The following WWOX variants were observed in gnomAD, a reference collection of about 807,000 sequenced individuals.
WWOX encodes WW domain-containing oxidoreductase.
WWOX carries 69 observed loss-of-function variants against 46.2 expected under a neutral mutation model. The observed-to-expected ratio is 1.49, with a 90% CI of 1.23 to 1.82. The LOEUF (loss-of-function observed/expected upper bound fraction) is 1.82, where lower values mean the gene tolerates loss of function less well. Ranked by LOEUF, WWOX falls within the 40% of genes most tolerant of loss-of-function variation. The pLI, the probability that WWOX is intolerant of heterozygous loss-of-function variation, is 0.00. For missense variants in WWOX, 919 were observed against 542.6 expected, an observed-to-expected ratio of 1.69 and a Z score of -6.89; for synonymous variants, 359 against 202.6, an observed-to-expected ratio of 1.77 and a Z score of -6.56.
intron 8 of WWOX, among the ~76,000 whole-genome samples, chr16:78,705,934 G>C (rs1369679642): frequency 1.3e-5 from 2 of 152,172 alleles, no homozygotes; most frequent in African/African-American, 4.8e-5. Flanking sequence ...ACACACTAAG[G>C]AATGTTTGAG....
intron 4 of WWOX, among the ~76,000 whole-genome samples, chr16:78,157,137 C>G (rs2151727794): frequency 6.6e-6 from 1 of 152,058 alleles, no homozygotes. Context: ...TTGCTTTGAC[C>G]TGGAAATTTC....
At chr16:78,427,796 T>C (rs762402951) in intron 7 of WWOX, among the ~76,000 whole-genome samples, 8 of 149,238 alleles carry the variant, frequency 5.4e-5, no homozygotes, top group Non-Finnish European at 8.9e-5. Context: ...AAATTAAAAA[T>C]TGTTTAAAAA....
At chr16:78,820,869 A>G (rs1189126157) in intron 8 of WWOX, among the ~76,000 whole-genome samples, 3 of 152,010 alleles carry the variant, frequency 2.0e-5, no homozygotes, top group African/African-American at 7.2e-5. Flanking sequence ...GCAATTCTTG[A>G]TGTCCCTTGG....
intron 5 of WWOX, among the ~76,000 whole-genome samples, chr16:78,368,047 G>C (rs930290830): frequency 4.1e-4 from 63 of 152,174 alleles, no homozygotes; most frequent in African/African-American, 1.4e-3. Context: ...GTGAGCCTCT[G>C]TGCCCGGCTT....
intron 8 of WWOX, among the ~76,000 whole-genome samples, chr16:78,892,608 A>G (rs2044615101): frequency 6.6e-6 from 1 of 152,208 alleles, no homozygotes; most frequent in African/African-American, 2.4e-5. Context: ...TGTGTTATCT[A>G]CTGAGATTCT....
chr16:78,212,991 C>A (rs2036604883), intron 5 of WWOX, among the ~76,000 whole-genome samples: 1 of 151,978 alleles, frequency 6.6e-6, no homozygotes, highest in African/African-American at 2.4e-5. Context: ...GGGCCCGATG[C>A]CTCACACCTG....
At chr16:78,887,634 G>C (rs757220474) in intron 8 of WWOX, among the ~76,000 whole-genome samples, 2 of 152,080 alleles carry the variant, frequency 1.3e-5, no homozygotes, top group South Asian at 2.1e-4. Flanking sequence ...AAGTACAAAA[G>C]GGTCAGATAA....
At chr16:78,975,727 A>G (rs2046558525) in intron 8 of WWOX, among the ~76,000 whole-genome samples, 1 of 152,124 alleles carries the variant, frequency 6.6e-6, no homozygotes, top group African/African-American at 2.4e-5. Flanking sequence ...TCCATAGGCA[A>G]CACAGAGCCA....
intron 8 of WWOX, among the ~76,000 whole-genome samples, chr16:79,061,056 C>T (rs1293677152): frequency 1.3e-5 from 2 of 152,146 alleles, no homozygotes; most frequent in African/African-American, 4.8e-5. Context: ...CACATTCATA[C>T]CACACAGCCT....
intron 8 of WWOX, among the ~76,000 whole-genome samples, chr16:78,918,711 C>T (rs1229632306): frequency 2.0e-5 from 3 of 152,094 alleles, no homozygotes; most frequent in Admixed American, 6.5e-5. Context: ...TAGTCTCAGG[C>T]CCTGGAGGAA....
chr16:78,620,217 A>G (rs1483697316), intron 8 of WWOX, among the ~76,000 whole-genome samples: 2 of 152,234 alleles, frequency 1.3e-5, no homozygotes, highest in East Asian at 1.9e-4. Context: ...GGCTTAACCA[A>G]GAAGCAGCAA....
chr16:79,029,238 A>G (rs894329649), intron 8 of WWOX, among the ~76,000 whole-genome samples: 1 of 152,154 alleles, frequency 6.6e-6, no homozygotes, highest in African/African-American at 2.4e-5. Flanking sequence ...GGCTGGGCCT[A>G]CTCAGTTCCA....
At chr16:78,427,913 C>A (rs921662166) in intron 7 of WWOX, among the ~76,000 whole-genome samples, 2 of 152,134 alleles carry the variant, frequency 1.3e-5, no homozygotes, top group Non-Finnish European at 2.9e-5. Context: ...ACTAAAAATA[C>A]AAAAATTAGC....
intron 5 of WWOX, among the ~76,000 whole-genome samples, chr16:78,379,433 T>C (rs2081904374): frequency 6.6e-6 from 1 of 152,194 alleles, no homozygotes; most frequent in Non-Finnish European, 1.5e-5. Flanking sequence ...AGCCATCTAG[T>C]GTACCTGGGC....
chr16:78,896,434 A>G (rs117852203), intron 8 of WWOX: 1 of 152,150 alleles, frequency 6.6e-6, no homozygotes, highest in Non-Finnish European at 1.5e-5. Context: ...CCGTTAGCAC[A>G]CTGAAGCCAC....
intron 8 of WWOX, among the ~76,000 whole-genome samples, chr16:78,680,435 G>A (rs2047702076): frequency 6.6e-6 from 1 of 152,136 alleles, no homozygotes; most frequent in African/African-American, 2.4e-5. Flanking sequence ...TCGGGAGGCT[G>A]AGGTGGGAGG....
intron 4 of WWOX, among the ~76,000 whole-genome samples, chr16:78,142,781 T>C (rs957291790): frequency 5.3e-5 from 8 of 151,814 alleles, no homozygotes; most frequent in African/African-American, 1.9e-4. Flanking sequence ...TTTCCACTTA[T>C]TTAAACAAGA....
chr16:78,896,684 T>A (rs2044707476), intron 8 of WWOX: 2 of 152,166 alleles, frequency 1.3e-5, no homozygotes, highest in South Asian at 4.1e-4. Context: ...TCGATTGGAT[T>A]GTAGCACTCA....
rs369685412 is a variant in WWOX, at chr16:78,611,796, ATTG to A, written c.1056+179049_1056+179051del. On this transcript the variant is annotated intron_variant, in intron 8 of 8. Coordinates refer to ENST00000566780, the MANE Select transcript of WWOX (RefSeq NM_016373.4). ...AGTATCAGCTTCAGTCAAGGAACGT[ATTG>A]TTGTCAAGGAAAGGAAAAAGAACAG... Among the ~76,000 whole-genome samples the A allele has an allele frequency of 3.8e-3, 584 of 152,270 alleles. 4 individuals carry two copies. Among genetic ancestry groups the A allele is most frequent in the African/African-American group, 0.013 (539 of 41,558 alleles).
Sources: allele counts gnomAD v4.1 joint callset (sites outside exome capture counted in the v4.1 genomes callset), GRCh38; gene constraint gnomAD v4.1.1; transcripts MANE v1.5; gene names NCBI Gene and HGNC (gene_info 2026-07-23, HGNC 2026-07-21).